TRERF1: variants seen among roughly 807,000 people sequenced by gnomAD.
TRERF1 encodes transcriptional regulating factor 1, also known as transcriptional-regulating factor 1.
In TRERF1, 27 loss-of-function variants were observed where a neutral mutation model predicts 122.9. The ratio of observed to expected loss-of-function variants is 0.22; its 90% CI spans 0.16 to 0.30. The LOEUF is 0.30. Ranked by LOEUF, TRERF1 falls within the 10% of genes least tolerant of loss-of-function variation. The pLI, the probability that TRERF1 is intolerant of heterozygous loss-of-function variation, is 1.00. For missense variants in TRERF1, 1,248 were observed against 1,560.3 expected (o/e 0.80, Z 3.37); for synonymous variants, 636 against 641.7 (o/e 0.99, Z 0.13).
chr6:42,244,962 C>G (rs113414233), intron 14 of TRERF1, among the ~76,000 whole-genome samples: 11 of 152,342 alleles, frequency 7.2e-5, no homozygotes, highest in African/African-American at 2.2e-4. Context: ...AGGGTGGGAA[C>G]AAGGCCACCT....
At chr6:42,286,160 A>C (rs1373457496) in intron 4 of TRERF1, among the ~76,000 whole-genome samples, 3 of 147,944 alleles carry the variant, frequency 2.0e-5, no homozygotes, top group Non-Finnish European at 4.5e-5. Context: ...TTAAAGACTT[A>C]AACGTTAGAC....
At chr6:42,342,441 G>A (rs1767475121) in intron 3 of TRERF1, among the ~76,000 whole-genome samples, 1 of 152,158 alleles carries the variant, frequency 6.6e-6, no homozygotes, top group African/African-American at 2.4e-5. Flanking sequence ...GACATTGCTA[G>A]TAGACCCAAG....
At chr6:42,350,971 TCTCA>T (rs1360347804) in intron 3 of TRERF1, among the ~76,000 whole-genome samples, 3 of 151,944 alleles carry the variant, frequency 2.0e-5, no homozygotes, top group African/African-American at 7.3e-5. Flanking sequence ...ATTCTCTCTC[TCTCA>T]CTCTCTCCCT....
At chr6:42,298,400 C>A (rs182280498) in intron 4 of TRERF1, among the ~76,000 whole-genome samples, 80 of 151,708 alleles carry the variant, frequency 5.3e-4, no homozygotes, top group African/African-American at 1.9e-3. Context: ...AGGTGATCCA[C>A]CCACCAAGGC....
chr6:42,413,428 A>AT (rs5875802), intron 2 of TRERF1, among the ~76,000 whole-genome samples: 27,393 of 119,034 alleles, frequency 0.23, 3,638 homozygotes, highest in South Asian at 0.29. Flanking sequence ...CAGAATCTGC[A>AT]TTTTTTTTTT....
intron 2 of TRERF1, among the ~76,000 whole-genome samples, chr6:42,420,202 A>G (rs1056472526): frequency 4.6e-5 from 7 of 152,120 alleles, no homozygotes; most frequent in African/African-American, 1.7e-4. Context: ...CCCTAAATGA[A>G]GGGGTTAGTG....
chr6:42,325,960 C>T (rs1368119558), intron 3 of TRERF1, among the ~76,000 whole-genome samples: 1 of 152,128 alleles, frequency 6.6e-6, no homozygotes, highest in Non-Finnish European at 1.5e-5. Flanking sequence ...CACATGTTCT[C>T]ACTTATGAGT....
At chr6:42,401,921 G>A (rs968573507) in intron 2 of TRERF1, among the ~76,000 whole-genome samples, 2 of 152,142 alleles carry the variant, frequency 1.3e-5, no homozygotes, top group Non-Finnish European at 2.9e-5. Context: ...TCTACTTAAG[G>A]AAAAAGGTCT....
Position 42,432,449 on chromosome 6 carries a change from T to C in TRERF1, c.-454+18728A>G, listed in dbSNP as rs1308299356. ...AAGACATTTGTGGCGGTATTATTCA[T>C]AAAAGCAAACTGTGTGAAATGACCT... On this transcript the variant is annotated intron_variant, in intron 2 of 17. Coordinates refer to ENST00000372922, the Ensembl canonical transcript of TRERF1. Among the ~76,000 whole-genome samples the C allele has an allele frequency of 1.3e-5, 2 of 152,184 alleles. 1 individual carries two copies. Among genetic ancestry groups the C allele is most frequent in the Middle Eastern group, 6.3e-3 (2 of 316 alleles).
At position 42,259,545 on chromosome 6, in the gene TRERF1, C is replaced by T; in HGVS notation, c.2063G>A (p.Arg688His). Residue 688 changes from arginine to histidine, a missense_variant, in exon 9 of 18, where the codon CGC becomes CAC. By Grantham distance (29) the Arg-to-His change is conservative (BLOSUM62 0). Coordinates refer to ENST00000372922, the Ensembl canonical transcript of TRERF1. This position sits in a 1 kb window ranked among gnomAD's most constrained non-coding sequence, Gnocchi z 4.9. ...GTGGTCCCCGAGGACGCGCGGGGAG[C>T]GCAGCTGGCTCTGGTACAGGGTGGC... 6.2e-7 allele frequency: 1 copy of T among 1,613,526 alleles called. No homozygotes were observed. The highest frequency in any genetic ancestry group is 8.5e-7 in the Non-Finnish European group (1 of 1,179,812).
intron 2 of TRERF1, among the ~76,000 whole-genome samples, chr6:42,377,022 T>C (rs1775009305): frequency 6.6e-6 from 1 of 151,598 alleles, no homozygotes; most frequent in South Asian, 2.1e-4. Flanking sequence ...TGAGCCACCA[T>C]GACCGGCTAA....
At chr6:42,389,874 C>T (rs915150589) in intron 2 of TRERF1, among the ~76,000 whole-genome samples, 1 of 152,250 alleles carries the variant, frequency 6.6e-6, no homozygotes, top group East Asian at 1.9e-4. Context: ...CACGTTTGCT[C>T]TTCAAATGAG....
upstream of TRERF1, chr6:42,452,102 C>T (rs1199231907): frequency 6.6e-6 from 1 of 152,004 alleles, no homozygotes; most frequent in African/African-American, 2.4e-5. Flanking sequence ...CACCCATTAC[C>T]CACCCCTAGC....
Position 42,232,842 on chromosome 6 carries a change from GC to G in TRERF1, c.3116del (p.Gly1039AlafsTer5). 1 of 1,611,584 alleles carries G rather than the reference GC, an allele frequency of 6.2e-7. No homozygotes were observed. Among genetic ancestry groups the G allele is most frequent in the Non-Finnish European group, 8.5e-7 (1 of 1,178,944 alleles). On this transcript the variant is annotated frameshift_variant, in exon 17 of 18. Transcript: ENST00000372922. LOFTEE classifies it high-confidence loss of function. This position sits in a 1 kb window ranked among gnomAD's most constrained non-coding sequence, Gnocchi z 4.5. ...CTCGGGCCTTGGTCACCTGGTTGGT[GC>G]CCCCGTGGATGCGGGCATGGCCATT... is the stretch of plus-strand genomic sequence containing the variant.
chr6:42,423,557 T>C (rs1036437382), intron 2 of TRERF1, among the ~76,000 whole-genome samples: 1 of 152,130 alleles, frequency 6.6e-6, no homozygotes, highest in Non-Finnish European at 1.5e-5. Context: ...CCACCTTGCA[T>C]GGGCAGGAAA....
chr6:42,408,227 ATGTG>A (rs70987593), intron 2 of TRERF1, among the ~76,000 whole-genome samples: 4 of 116,688 alleles, frequency 3.4e-5, no homozygotes, highest in East Asian at 2.4e-4. Flanking sequence ...ATATATATAT[ATGTG>A]TGTGTGTATG....
rs573397739 is a variant in TRERF1, at chr6:42,292,310, A to G, written c.-259+8328T>C. On this transcript the variant is annotated intron_variant, in intron 4 of 17. Transcript: ENST00000372922. ...AATCAGCAGAATGTTGCTCAGGGGC[A>G]GAAATTGCCAGGAGTGGACGCAGGA... Among the ~76,000 whole-genome samples, 18 of 152,318 alleles carry G rather than the reference A, an allele frequency of 1.2e-4. No homozygotes were observed. The South Asian group carries it at 3.7e-3, about 32-fold the overall frequency.
intron 3 of TRERF1, among the ~76,000 whole-genome samples, chr6:42,334,230 G>C (rs1261468714): frequency 6.6e-6 from 1 of 152,134 alleles, no homozygotes; most frequent in Non-Finnish European, 1.5e-5. Flanking sequence ...GCTGAGTTGT[G>C]TCAGGGTTAT....
At chr6:42,286,346 G>A (rs891063602) in intron 4 of TRERF1, among the ~76,000 whole-genome samples, 3 of 141,798 alleles carry the variant, frequency 2.1e-5, no homozygotes, top group East Asian at 4.1e-4. Flanking sequence ...CCATCAGAGT[G>A]AACAGGCAAC....
Sources: allele counts gnomAD v4.1 joint callset (sites outside exome capture counted in the v4.1 genomes callset), GRCh38; gene constraint gnomAD v4.1.1; non-coding constraint Gnocchi (gnomAD v3.1); transcripts MANE v1.5; gene names NCBI Gene and HGNC (gene_info 2026-07-23, HGNC 2026-07-21).